ABHD18: variants seen among roughly 807,000 people sequenced by gnomAD.
The protein encoded by ABHD18 is abhydrolase domain containing 18.
ABHD18 carries 55 observed loss-of-function variants against 65.9 expected under a neutral mutation model. That is an observed-to-expected ratio of 0.84 (90% confidence interval 0.67 to 1.05). The LOEUF (loss-of-function observed/expected upper bound fraction) is 1.05, where lower values mean the gene tolerates loss of function less well. Among genes scored for constraint, ABHD18 ranks in the 50% least tolerant of loss-of-function variants. ABHD18 has a pLI of 0.00. For missense variants in ABHD18, 533 were observed against 558.5 expected (o/e 0.95, Z 0.46); for synonymous variants, 181 against 180.2 (o/e 1.00, Z -0.04).
At chr4:128,002,872 G>A (rs913418331) in intron 4 of ABHD18, among the ~76,000 whole-genome samples, 1 of 151,624 alleles carries the variant, frequency 6.6e-6, no homozygotes, top group African/African-American at 2.4e-5. Context: ...TCAAATTCCT[G>A]ACCTCAGGTG....
chr4:128,012,997 C>T (rs768837825), intron 7 of ABHD18, among the ~76,000 whole-genome samples: 3 of 141,530 alleles, frequency 2.1e-5, no homozygotes, highest in Non-Finnish European at 4.5e-5. Flanking sequence ...ACCTAGGAGG[C>T]GGACGTTGCA....
chr4:127,997,220 G>A (rs933614752), intron 4 of ABHD18, among the ~76,000 whole-genome samples: 1 of 152,204 alleles, frequency 6.6e-6, no homozygotes, highest in African/African-American at 2.4e-5. Context: ...CACAATTTAT[G>A]TTCTTCGCCT....
Position 128,025,025 on chromosome 4 carries a change from T to A in ABHD18, c.802-3450T>A, listed in dbSNP as rs531109564. On this transcript the variant is annotated intron_variant, in intron 10 of 12. Coordinates refer to ENST00000645843, the MANE Select transcript of ABHD18 (RefSeq NM_001358451.3). Reference sequence around the variant, plus strand: ...TTAATTCTTTAACTTAAAAAAAAAATGTATGGTCATATAATTCAAGCATCA... The same window carrying A: ...TTAATTCTTTAACTTAAAAAAAAAAAGTATGGTCATATAATTCAAGCATCA... Among the ~76,000 whole-genome samples the A allele has an allele frequency of 1.1e-4, 16 of 151,730 alleles. No homozygotes were observed. The East Asian group carries it at 2.9e-3, about 28-fold the overall frequency.
At position 128,021,124 on chromosome 4, in the gene ABHD18, CTTA is replaced by C; in HGVS notation, c.700-7_700-5del. ...ATGATGTGGTTTGATCTTAATTTAG[CTTA>C]TTATTTCAGGGTGTGTTGAGTAAAT... is the stretch of plus-strand genomic sequence containing the variant. On this transcript the variant is annotated splice_polypyrimidine_tract_variant and intron_variant, in intron 9 of 12. Transcript: ENST00000645843. 1 of 1,484,252 alleles carries C rather than the reference CTTA, an allele frequency of 6.7e-7. No homozygotes were observed. The highest frequency in any genetic ancestry group is 9.2e-7 in the Non-Finnish European group (1 of 1,089,398). 91.9% of individuals were successfully genotyped at this position (1,484,252 alleles called of 1,614,324 possible). A position where few individuals can be genotyped will look rare whatever the true frequency, so the allele number is the denominator to read the frequency against.
Position 127,981,752 on chromosome 4 carries a change from G to T in ABHD18, c.-17-1187G>T, listed in dbSNP as rs566465748. On this transcript the variant is annotated intron_variant, in intron 1 of 12. Coordinates refer to ENST00000645843, the MANE Select transcript of ABHD18 (RefSeq NM_001358451.3). The stretch of plus-strand genomic sequence containing the variant: ...GCAATACATTTTTTTGAACATTATT[G>T]TGTCAAAACCCCACATTTATCAAAG... 2.5e-3 allele frequency among the ~76,000 whole-genome samples: 374 copies of T among 152,086 alleles called. 3 individuals are homozygous for T. The highest frequency in any genetic ancestry group is 8.4e-3 in the African/African-American group (350 of 41,496).
intron 4 of ABHD18, among the ~76,000 whole-genome samples, chr4:127,999,622 G>A (rs1397670288): frequency 6.6e-6 from 1 of 152,012 alleles, no homozygotes; most frequent in East Asian, 1.9e-4. Context: ...TCTTTTTCCT[G>A]TTTTTTAGTG....
At chr4:128,026,992 G>C (rs550911489) in intron 10 of ABHD18, among the ~76,000 whole-genome samples, 13 of 152,072 alleles carry the variant, frequency 8.5e-5, no homozygotes, top group African/African-American at 3.1e-4. Flanking sequence ...ATGTTGGCCA[G>C]GCTAGTCTTG....
chr4:127,999,090 C>T (rs1201513376), intron 4 of ABHD18, among the ~76,000 whole-genome samples: 1 of 151,516 alleles, frequency 6.6e-6, no homozygotes, highest in Non-Finnish European at 1.5e-5. Context: ...AAAACATGAG[C>T]CTGGCCAACA....
chr4:128,023,901 C>T (rs1579435283), intron 10 of ABHD18, among the ~76,000 whole-genome samples: 1 of 152,164 alleles, frequency 6.6e-6, no homozygotes, highest in East Asian at 1.9e-4. Context: ...CAAAAAAAAG[C>T]TTTACCTGCT....
At chr4:127,986,580 G>A (rs1472501715) in intron 3 of ABHD18, among the ~76,000 whole-genome samples, 1 of 152,188 alleles carries the variant, frequency 6.6e-6, no homozygotes, top group Non-Finnish European at 1.5e-5. Flanking sequence ...GTATACTGAA[G>A]AGTTTAATTA....
intron 10 of ABHD18, among the ~76,000 whole-genome samples, chr4:128,026,290 A>G (rs1243227015): frequency 1.3e-5 from 2 of 151,056 alleles, no homozygotes; most frequent in Non-Finnish European, 2.9e-5. Context: ...CTTCTTCTGA[A>G]CAACAACAAA....
Position 128,036,327 on chromosome 4 carries a change from G to T in ABHD18, c.*514G>T, listed in dbSNP as rs1423837910. Reference sequence around the variant, plus strand: ...TAAATACTTATGATATATAAAATCAGTGTTAACTTTGAATTCTAAAATATC... The same window carrying T: ...TAAATACTTATGATATATAAAATCATTGTTAACTTTGAATTCTAAAATATC... On this transcript the variant is annotated 3_prime_UTR_variant, in exon 13 of 13. Transcript: ENST00000645843. The T allele has an allele frequency of 6.6e-6, 1 of 151,880 alleles. No homozygotes were observed. The highest frequency in any genetic ancestry group is 2.4e-5 in the African/African-American group (1 of 41,392). 9.4% of individuals were successfully genotyped at this position (151,880 alleles called of 1,614,324 possible). A position where few individuals can be genotyped will look rare whatever the true frequency, so the allele number is the denominator to read the frequency against.
chr4:127,974,997 CAAAAA>C (rs34068699), intron 1 of ABHD18, among the ~76,000 whole-genome samples: 70 of 88,266 alleles, frequency 7.9e-4, no homozygotes, highest in Admixed American at 1.3e-3. Context: ...AACTGTGTCT[CAAAAA>C]AAAAAAAAAA....
intron 10 of ABHD18, among the ~76,000 whole-genome samples, chr4:128,022,783 T>TTTC (rs1293024311): frequency 6.6e-6 from 1 of 151,568 alleles, no homozygotes; most frequent in Non-Finnish European, 1.5e-5. Flanking sequence ...TTTTTTTTTT[T>TTTC]TTCTCTGTCT....
At chr4:128,034,065 T>G (rs191465696) in intron 12 of ABHD18, among the ~76,000 whole-genome samples, 516 of 150,784 alleles carry the variant, frequency 3.4e-3, no homozygotes, top group Non-Finnish European at 5.3e-3. Flanking sequence ...TTCAAGCAAT[T>G]CTCCTGCCTC....
intron 3 of ABHD18, among the ~76,000 whole-genome samples, chr4:127,988,632 A>T (rs1398244660): frequency 1.3e-5 from 2 of 152,166 alleles, no homozygotes; most frequent in African/African-American, 4.8e-5. Flanking sequence ...TACATTTTTC[A>T]AAAGAAGACA....
At chr4:128,031,099 A>T in intron 12 of ABHD18, 1 of 989,294 alleles carries the variant, frequency 1.0e-6, no homozygotes, top group Non-Finnish European at 1.2e-6. Context: ...AACCTTAAAT[A>T]AGAAGTGCTT....
intron 4 of ABHD18, among the ~76,000 whole-genome samples, chr4:128,005,598 G>T (rs1753467170): frequency 6.6e-6 from 1 of 152,142 alleles, no homozygotes; most frequent in Non-Finnish European, 1.5e-5. Context: ...GAGTAGCTGG[G>T]ACTACAGGAA....
intron 6 of ABHD18, among the ~76,000 whole-genome samples, chr4:128,010,537 A>G (rs1320685773): frequency 1.3e-5 from 2 of 151,714 alleles, no homozygotes; most frequent in Admixed American, 6.6e-5. Flanking sequence ...AAAAAAAAAA[A>G]GAAAGAAAAG....
Sources: gnomAD v4.1 joint callset for allele counts (sites outside exome capture counted in the v4.1 genomes callset) on GRCh38, gnomAD v4.1.1 for gene constraint, MANE v1.5 for transcripts, NCBI Gene and HGNC (gene_info 2026-07-23, HGNC 2026-07-21) for gene names.